Variants in BTBD8 observed in about 807,000 individuals in gnomAD.
The protein encoded by BTBD8 is BTB domain containing 8.
In BTBD8, 110 loss-of-function variants were observed where a neutral mutation model predicts 162.9. The ratio of observed to expected loss-of-function variants is 0.68; its 90% CI spans 0.58 to 0.79. The LOEUF is 0.79. Ranked by LOEUF, BTBD8 falls within the 30% of genes least tolerant of loss-of-function variation. The pLI, the probability that BTBD8 is intolerant of heterozygous loss-of-function variation, is 0.00. For synonymous variants in BTBD8, 667 were observed against 716.1 expected (o/e 0.93, Z 1.10); for missense variants, 1,905 against 2,085.4 (o/e 0.91, Z 1.68).
At chr1:92,097,105 T>G (rs1648473830) in intron 2 of BTBD8, among the ~76,000 whole-genome samples, 1 of 152,196 alleles carries the variant, frequency 6.6e-6, no homozygotes, top group African/African-American at 2.4e-5. Flanking sequence ...AATCCTCTAT[T>G]TGTCCACCAG....
chr1:92,122,976 G>A (rs555096015), intron 4 of BTBD8, among the ~76,000 whole-genome samples: 1 of 152,248 alleles, frequency 6.6e-6, no homozygotes, highest in Admixed American at 6.5e-5. Flanking sequence ...ATTTTAATTG[G>A]GTTGTGTTAT....
At chr1:92,127,552 TTTTG>T (rs71586734) in intron 4 of BTBD8, among the ~76,000 whole-genome samples, 15,432 of 149,958 alleles carry the variant, frequency 0.1, 1,247 homozygotes, top group African/African-American at 0.22. Flanking sequence ...TTTTGGAAGT[TTTTG>T]TTTGTTTGTT....
chr1:92,150,510 G>A (rs936994418), intron 9 of BTBD8: 1 of 152,158 alleles, frequency 6.6e-6, no homozygotes, highest in African/African-American at 2.4e-5. Flanking sequence ...ATCGCTTATT[G>A]TCATATATTT....
At position 92,171,385 on chromosome 1, in the gene BTBD8, GTTTC is replaced by G. The variant is rs1359949441; in HGVS notation, c.1574-8_1574-5del. 7.8e-6 allele frequency: 12 copies of G among 1,536,340 alleles called. No homozygotes were observed. The highest frequency in any genetic ancestry group is 3.5e-6 in the Non-Finnish European group (4 of 1,138,954). On this transcript the variant is annotated splice_polypyrimidine_tract_variant and intron_variant, in intron 12 of 17. Transcript: ENST00000636805. The stretch of plus-strand genomic sequence containing the variant: ...ATGTTCCTTATAAAAACAAATTGCT[GTTTC>G]TTTCTACAGCTGCATTTGACAAAGG...
At chr1:92,147,112 A>C (rs891878248) in intron 7 of BTBD8, 68 bp from the exon 8 acceptor site, 1 of 1,253,342 alleles carries the variant, frequency 8.0e-7, no homozygotes, top group African/African-American at 1.5e-5. Flanking sequence ...GATTATCTTT[A>C]TGAACCAAAT....
Position 92,167,958 on chromosome 1 carries a change from G to T in BTBD8, c.1416G>T (p.Leu472=). 1.3e-6 allele frequency: 2 copies of T among 1,548,430 alleles called. No individual in the cohort carries two copies. The highest frequency in any genetic ancestry group is 1.7e-6 in the Non-Finnish European group (2 of 1,145,014). Residue 472 remains leucine (L), a synonymous_variant, in exon 11 of 18, where the codon CTG becomes CTT. Transcript: ENST00000636805. ...SCSLLMALDT[L]LNSDSTKEMG... is the part of the protein sequence containing the mutation. ...CTCTTCTTATGGCTCTGGACACACT[G>T]CTGAACTCTGACAGTACAAAGGAAA...
chr1:92,162,838 G>GTCTACTTCTAGAAA (rs1650298918), intron 9 of BTBD8, among the ~76,000 whole-genome samples: 1 of 152,078 alleles, frequency 6.6e-6, no homozygotes, highest in African/African-American at 2.4e-5. Context: ...TTCTAGAAAT[G>GTCTACTTCTAGAAA]TATCTTGTAG....
At chr1:92,129,643 A>T in intron 4 of BTBD8, 44 bp from the exon 5 acceptor site, 1 of 1,380,696 alleles carries the variant, frequency 7.2e-7, no homozygotes, top group East Asian at 2.3e-5. Context: ...ATTTTGAATA[A>T]TATGTAAATG....
chr1:92,091,051 T>C (rs1319695966), intron 2 of BTBD8, among the ~76,000 whole-genome samples: 1 of 152,250 alleles, frequency 6.6e-6, no homozygotes, highest in African/African-American at 2.4e-5. Context: ...ATTTACTCAT[T>C]AATATGGTTT....
At chr1:92,092,112 A>C (rs1396562122) in intron 2 of BTBD8, among the ~76,000 whole-genome samples, 1 of 152,120 alleles carries the variant, frequency 6.6e-6, no homozygotes, top group East Asian at 1.9e-4. Context: ...CTGTATAAGA[A>C]GACTTAGGGC....
At chr1:92,110,814 A>G (rs1648872339) in intron 4 of BTBD8, among the ~76,000 whole-genome samples, 1 of 152,098 alleles carries the variant, frequency 6.6e-6, no homozygotes, top group African/African-American at 2.4e-5. Context: ...AAGTGCTGGG[A>G]TTACAGTCGT....
At position 92,181,254 on chromosome 1, in the gene BTBD8, G is replaced by A. The variant is rs745453626; in HGVS notation, c.3571G>A (p.Ala1191Thr). Reference protein sequence around the residue: ...DESAMDEDKHATADSDVSSKC... With the variant: ...DESAMDEDKHTTADSDVSSKC... Reference sequence around the variant, plus strand: ...ATCTGCTATGGATGAAGACAAACATGCTACAGCAGACTCAGATGTATCTTC... The same window carrying A: ...ATCTGCTATGGATGAAGACAAACATACTACAGCAGACTCAGATGTATCTTC... The change falls in exon 17 of 18, where the codon GCT becomes ACT. Residue 1191 changes from alanine (A) to threonine (T), a missense_variant. By Grantham distance (58) the Ala-to-Thr change is moderately conservative (BLOSUM62 0). This residue lies in a region of BTBD8 where 1,374 missense variants were observed against 1,442.7 expected (regional missense o/e 0.95). Coordinates refer to ENST00000636805, the MANE Select transcript of BTBD8 (RefSeq NM_001376131.1). 5.2e-6 allele frequency: 8 copies of A among 1,551,594 alleles called. No individual in the cohort carries two copies. In the African/African-American group the frequency reaches 1.1e-4, roughly 21 times the overall value.
rs1458427062 is a variant in BTBD8, at chr1:92,184,204, G to A, written c.5253G>A (p.Leu1751=). The part of the protein sequence containing the change: ...KPQGITHIDT[L]NRWSELTSPL... ...AGGGTATAACACATATTGACACTTT[G>A]AACAGATGGAGTGAACTAACATCTC... The change falls in exon 18 of 18, where the codon TTG becomes TTA. Residue 1751 remains leucine (L), a synonymous_variant. Coordinates refer to ENST00000636805, the MANE Select transcript of BTBD8 (RefSeq NM_001376131.1). 1 of 1,551,526 alleles carries A rather than the reference G, an allele frequency of 6.4e-7. No homozygotes were observed. Among genetic ancestry groups the A allele is most frequent in the Admixed American group, 2.0e-5 (1 of 51,000 alleles).
intron 12 of BTBD8, 60 bp from the exon 13 acceptor site, chr1:92,171,339 T>C: frequency 7.9e-7 from 1 of 1,267,146 alleles, no homozygotes; most frequent in African/African-American, 1.5e-5. Flanking sequence ...CTATTTTTCC[T>C]TTACTTCTAA....
intron 5 of BTBD8, among the ~76,000 whole-genome samples, chr1:92,133,875 C>G (rs945458680): frequency 1.3e-5 from 2 of 151,720 alleles, no homozygotes; most frequent in African/African-American, 2.4e-5. Context: ...GAGGCTGAGG[C>G]AGCAGAATGG....
rs1288318299 is a variant in BTBD8 at position 92,181,678 on chromosome 1, T to C, written c.3995T>C (p.Phe1332Ser). The change falls in exon 17 of 18, where the codon TTC becomes TCC. Residue 1332 changes from phenylalanine (F) to serine (S), a missense_variant. Around this residue, in one of 3 missense-constraint regions of BTBD8, gnomAD observed 517 missense variants for 606.6 expected, o/e 0.85. Transcript: ENST00000636805. ...AAAAAGCAAAGTAATAATGATCTTT[T>C]CCAAGTTAATTCAACGAGTGATGAT... ...KMKKQSNNDL[F>S]QVNSTSDDEI... The C allele has an allele frequency of 5.2e-6, 8 of 1,551,470 alleles. No individual in the cohort carries two copies. The highest frequency in any genetic ancestry group is 7.0e-6 in the Non-Finnish European group (8 of 1,146,868).
intron 16 of BTBD8, among the ~76,000 whole-genome samples, chr1:92,179,283 C>T (rs1650816071): frequency 6.6e-6 from 1 of 151,620 alleles, no homozygotes; most frequent in Non-Finnish European, 1.5e-5. Context: ...AATAATAGTG[C>T]AGTCTAAACA....
At chr1:92,139,062 A>G (rs1374314542) in intron 5 of BTBD8, among the ~76,000 whole-genome samples, 3 of 152,238 alleles carry the variant, frequency 2.0e-5, no homozygotes, top group Admixed American at 1.3e-4. Context: ...CAGAGGTTAG[A>G]CAGTGAGTAG....
At chr1:92,157,143 A>G (rs751770433) in intron 9 of BTBD8, among the ~76,000 whole-genome samples, 61 of 152,076 alleles carry the variant, frequency 4.0e-4, no homozygotes, top group Admixed American at 1.8e-3. Flanking sequence ...TTGTTTCAAG[A>G]TACCTTCTAA....
Sources: allele counts gnomAD v4.1 joint callset (sites outside exome capture counted in the v4.1 genomes callset), GRCh38; gene constraint gnomAD v4.1.1; regional missense constraint gnomAD v4.1.1; transcripts MANE v1.5; gene names NCBI Gene and HGNC (gene_info 2026-07-23, HGNC 2026-07-21).